The following SVEP1 variants were observed in gnomAD, a reference collection of about 807,000 sequenced individuals.
SVEP1 encodes the protein sushi, von Willebrand factor type A, EGF and pentraxin domain-containing protein 1.
Under a neutral mutation model 367.3 loss-of-function variants are expected in SVEP1, and 164 were observed. That is an observed-to-expected ratio of 0.45 (90% CI 0.39 to 0.51). The LOEUF is 0.51. Ranked by LOEUF, SVEP1 falls within the 20% of genes least tolerant of loss-of-function variation. SVEP1 has a pLI of 0.00. For missense variants in SVEP1, 4,117 were observed against 4,425.3 expected (o/e 0.93, Z 1.98); for synonymous variants, 1,666 against 1,611.6 (o/e 1.03, Z -0.81).
At chr9:110,508,569 G>C (rs1173473418) in intron 5 of SVEP1, among the ~76,000 whole-genome samples, 3 of 151,962 alleles carry the variant, frequency 2.0e-5, no homozygotes, top group Admixed American at 2.0e-4. Context: ...AGACCATCCT[G>C]GCGAACATGG....
At chr9:110,570,432 G>C (rs1188681490) in intron 1 of SVEP1, among the ~76,000 whole-genome samples, 1 of 151,364 alleles carries the variant, frequency 6.6e-6, no homozygotes. Flanking sequence ...AGAAGCTTCT[G>C]ACTTCTGGGA....
intron 36 of SVEP1, among the ~76,000 whole-genome samples, chr9:110,412,209 C>T (rs1828054935): frequency 6.6e-6 from 1 of 152,170 alleles, no homozygotes. Flanking sequence ...ATGGTTTTAA[C>T]TTGATTTTGG....
chr9:110,411,859 C>A (rs1160238608), intron 36 of SVEP1, 124 bp from the exon 37 acceptor site: 14 of 928,090 alleles, frequency 1.5e-5, no homozygotes, highest in Non-Finnish European at 2.0e-5. Flanking sequence ...AATAATATTT[C>A]CTCTTTGAAT....
chr9:110,511,396 A>AT, intron 5 of SVEP1, among the ~76,000 whole-genome samples: 1 of 133,806 alleles, frequency 7.5e-6, no homozygotes, highest in Admixed American at 7.5e-5. Context: ...TTATTTTTGG[A>AT]TTTTTTTGAT....
chr9:110,366,584 C>G (rs1206767757), intron 47 of SVEP1, 24 bp from the exon 48 acceptor site: 4 of 1,495,490 alleles, frequency 2.7e-6, no homozygotes, highest in Non-Finnish European at 3.6e-6. Flanking sequence ...AAAAAGCAAC[C>G]AAATAGATTC....
At chr9:110,378,531 TC>T (rs991506083) in intron 44 of SVEP1, among the ~76,000 whole-genome samples, 2 of 152,168 alleles carry the variant, frequency 1.3e-5, no homozygotes, top group Non-Finnish European at 2.9e-5. Flanking sequence ...GCAAAAAATT[TC>T]CCCCATGCTG....
At chr9:110,387,862 T>G (rs560184819) in intron 41 of SVEP1, among the ~76,000 whole-genome samples, 73 of 152,348 alleles carry the variant, frequency 4.8e-4, no homozygotes, top group African/African-American at 1.7e-3. Flanking sequence ...CCCTGTTAAA[T>G]TTCAGTATCA....
At chr9:110,496,025 T>C (rs902838215) in intron 8 of SVEP1, among the ~76,000 whole-genome samples, 1 of 152,220 alleles carries the variant, frequency 6.6e-6, no homozygotes, top group Non-Finnish European at 1.5e-5. Flanking sequence ...CAAGTAATCT[T>C]AGTGGCTACA....
chr9:110,520,571 T>C (rs1443426678), intron 3 of SVEP1, among the ~76,000 whole-genome samples: 2 of 152,234 alleles, frequency 1.3e-5, no homozygotes, highest in African/African-American at 2.4e-5. Flanking sequence ...CAGCTGACCA[T>C]GCAATTCTTT....
chr9:110,507,479 A>G (rs886595042), intron 5 of SVEP1, among the ~76,000 whole-genome samples: 3 of 152,218 alleles, frequency 2.0e-5, no homozygotes, highest in Non-Finnish European at 4.4e-5. Flanking sequence ...GTGTGCATTA[A>G]ATAAAAGTTT....
In SVEP1 at chr9:110,432,022, C is replaced by T. The variant is rs138823596; in HGVS notation, c.5246G>A (p.Cys1749Tyr). Residue 1749 changes from cysteine to tyrosine, a missense_variant, in exon 32 of 48, where the codon TGT becomes TAT. This residue lies in a region of SVEP1 where 2,174 missense variants were observed against 2,494.3 expected (regional missense o/e 0.87). Coordinates refer to ENST00000374469, the MANE Select transcript of SVEP1 (RefSeq NM_153366.4). Reference protein sequence around the residue: ...VSPSCLDVDECAVGSDCSEHA... With the variant: ...VSPSCLDVDEYAVGSDCSEHA... ...CTCACTACAATCTGATCCAACTGCA[C>T]ACTCATCGACATCTAAAATGAAGAC... 2.5e-6 allele frequency: 4 copies of T among 1,601,108 alleles called. No individual in the cohort carries two copies. The highest frequency in any genetic ancestry group is 1.8e-5 in the Admixed American group (1 of 56,806).
At position 110,432,623 on chromosome 9, in the gene SVEP1, C is replaced by T; in HGVS notation, c.5072G>A (p.Gly1691Glu). ...PLPHCERISC[G>E]VPPPLENGFH... Reference sequence around the variant, plus strand: ...GCCATTCTCCAAAGGAGGTGGCACCCCACAGCTAATGCCTGTAAGGTGACC... The same window carrying T: ...GCCATTCTCCAAAGGAGGTGGCACCTCACAGCTAATGCCTGTAAGGTGACC... Residue 1691 changes from glycine to glutamate, a missense_variant, in exon 31 of 48, where the codon GGG (glycine) becomes GAG (glutamate). This residue lies in a region of SVEP1 where 2,174 missense variants were observed against 2,494.3 expected (regional missense o/e 0.87). Transcript: ENST00000374469. 1 of 1,612,058 alleles carries T rather than the reference C, an allele frequency of 6.2e-7. No homozygotes were observed. The highest frequency in any genetic ancestry group is 8.5e-7 in the Non-Finnish European group (1 of 1,179,092).
At chr9:110,536,053 T>A (rs1303988631) in intron 3 of SVEP1, among the ~76,000 whole-genome samples, 1 of 151,490 alleles carries the variant, frequency 6.6e-6, no homozygotes, top group South Asian at 2.1e-4. Context: ...AGTTTTCAAG[T>A]ATTGTCCTCA....
intron 22 of SVEP1, among the ~76,000 whole-genome samples, 185 bp from the exon 23 acceptor site, chr9:110,451,587 G>A (rs189023805): frequency 1.1e-3 from 168 of 152,294 alleles, no homozygotes; most frequent in African/African-American, 3.8e-3. Context: ...TTTCTAGCAA[G>A]AAACCTAACA....
intron 1 of SVEP1, among the ~76,000 whole-genome samples, chr9:110,566,348 A>G (rs146399549): frequency 0.091 from 13,328 of 147,246 alleles, 743 homozygotes; most frequent in Non-Finnish European, 0.13. Context: ...ATAAATAAAT[A>G]AATAAATAAA....
At chr9:110,504,950 G>A (rs1422074082) in intron 5 of SVEP1, among the ~76,000 whole-genome samples, 1 of 152,142 alleles carries the variant, frequency 6.6e-6, no homozygotes, top group Non-Finnish European at 1.5e-5. Flanking sequence ...GAAGTGAGCA[G>A]GCACAACTTG....
intron 40 of SVEP1, among the ~76,000 whole-genome samples, chr9:110,390,320 T>TATACGTATATATACAC (rs1564127539): frequency 9.2e-6 from 1 of 109,146 alleles, no homozygotes; most frequent in Non-Finnish European, 1.9e-5. Context: ...TATGTGTATA[T>TATACGTATATATACAC]ATACTTATAT....
chr9:110,483,264 G>A (rs914343645), intron 10 of SVEP1, among the ~76,000 whole-genome samples: 6 of 152,202 alleles, frequency 3.9e-5, no homozygotes, highest in East Asian at 1.9e-4. Context: ...TAGAGATGCC[G>A]ATAAAATGCA....
intron 26 of SVEP1, among the ~76,000 whole-genome samples, chr9:110,444,325 AGAGT>A (rs1225642381): frequency 6.6e-6 from 1 of 152,068 alleles, no homozygotes; most frequent in Non-Finnish European, 1.5e-5. Flanking sequence ...ATGTGAAGAC[AGAGT>A]AAGAAGGTGC....
Sources: allele counts gnomAD v4.1 joint callset (sites outside exome capture counted in the v4.1 genomes callset), GRCh38; gene constraint gnomAD v4.1.1; regional missense constraint gnomAD v4.1.1; transcripts MANE v1.5; gene names NCBI Gene and HGNC (gene_info 2026-07-23, HGNC 2026-07-21).